The following CNTNAP2 variants were observed in gnomAD, a reference collection of about 807,000 sequenced individuals.
CNTNAP2 encodes contactin associated protein 2.
A neutral mutation model predicts 155.2 loss-of-function variants in CNTNAP2; 98 were observed. That is an observed-to-expected ratio of 0.63 (90% CI 0.54 to 0.75). The LOEUF is 0.75. CNTNAP2 is among the 30% of genes least tolerant of loss of function. CNTNAP2 has a pLI of 0.00. For missense variants in CNTNAP2, 1,727 were observed against 1,688.1 expected (o/e 1.02, Z -0.40); for synonymous variants, 651 against 631.2 (o/e 1.03, Z -0.47).
At chr7:147,526,369 G>A (rs912189741) in intron 11 of CNTNAP2, among the ~76,000 whole-genome samples, 1 of 151,994 alleles carries the variant, frequency 6.6e-6, no homozygotes, top group Non-Finnish European at 1.5e-5. Flanking sequence ...GCAGTTTCTG[G>A]GATCCCTTCT....
intron 8 of CNTNAP2, among the ~76,000 whole-genome samples, chr7:147,192,851 A>AC (rs1802709227): frequency 6.6e-6 from 1 of 152,218 alleles, no homozygotes; most frequent in African/African-American, 2.4e-5. Flanking sequence ...TACAGTTGTG[A>AC]CTAGTGGATG....
intron 19 of CNTNAP2, among the ~76,000 whole-genome samples, chr7:148,219,437 T>C (rs1429004133): frequency 6.6e-6 from 1 of 152,200 alleles, no homozygotes; most frequent in Non-Finnish European, 1.5e-5. Context: ...CTCATGCCTG[T>C]AATCCCAGCA....
intron 1 of CNTNAP2, among the ~76,000 whole-genome samples, chr7:146,377,468 A>G (rs1795319555): frequency 6.6e-6 from 1 of 152,152 alleles, no homozygotes; most frequent in African/African-American, 2.4e-5. Context: ...TTAAGAATAT[A>G]TCTCTGACCC....
At chr7:147,142,398 C>T (rs1347445940) in intron 8 of CNTNAP2, among the ~76,000 whole-genome samples, 6 of 152,166 alleles carry the variant, frequency 3.9e-5, no homozygotes, top group Non-Finnish European at 7.3e-5. Flanking sequence ...TTATATTGAA[C>T]CAGCCTTGCA....
intron 4 of CNTNAP2, among the ~76,000 whole-genome samples, chr7:147,049,138 C>T (rs1799422974): frequency 1.3e-5 from 2 of 152,308 alleles, no homozygotes; most frequent in South Asian, 2.1e-4. Flanking sequence ...GTGACCTACT[C>T]ATGTCTTAAA....
chr7:146,789,437 A>G (rs944154920), intron 2 of CNTNAP2, among the ~76,000 whole-genome samples: 15 of 152,192 alleles, frequency 9.9e-5, no homozygotes, highest in Admixed American at 8.5e-4. Context: ...ATGTTTTTTA[A>G]TCTGTTTTAA....
chr7:146,722,706 C>G (rs914352407), intron 1 of CNTNAP2, among the ~76,000 whole-genome samples: 22 of 149,950 alleles, frequency 1.5e-4, no homozygotes, highest in African/African-American at 5.6e-4. Context: ...TCCACACACA[C>G]ACAAAATATA....
At chr7:146,324,745 T>C (rs1001015556) in intron 1 of CNTNAP2, among the ~76,000 whole-genome samples, 1 of 151,872 alleles carries the variant, frequency 6.6e-6, no homozygotes, top group Non-Finnish European at 1.5e-5. Context: ...CTTATTTCAG[T>C]AGGGAAGGCT....
chr7:148,053,004 G>A (rs570850149), intron 15 of CNTNAP2, among the ~76,000 whole-genome samples: 69 of 152,218 alleles, frequency 4.5e-4, no homozygotes, highest in Non-Finnish European at 8.2e-4. Flanking sequence ...CCTAAATCAC[G>A]CCACTGCACT....
chr7:147,725,224 AAAAG>A (rs1196270317), intron 13 of CNTNAP2, among the ~76,000 whole-genome samples: 3 of 152,092 alleles, frequency 2.0e-5, no homozygotes, highest in Non-Finnish European at 2.9e-5. Flanking sequence ...GTACTTAAAA[AAAAG>A]AAATCTTTTG....
In CNTNAP2 at chr7:146,355,171, A is replaced by T. The variant is rs147317044; in HGVS notation, c.97+238198A>T. On this transcript the variant is annotated intron_variant, in intron 1 of 23. Coordinates refer to ENST00000361727, the MANE Select transcript of CNTNAP2 (RefSeq NM_014141.6). ...TTATTCTTGTGGACTGTTTTTCTTT[A>T]TATGTTCTTCTTCTGTACCCACATA... is the stretch of plus-strand genomic sequence containing the variant. 7.9e-5 allele frequency among the ~76,000 whole-genome samples: 12 copies of T among 152,282 alleles called. No homozygotes were observed. In the East Asian group the frequency reaches 2.3e-3, roughly 29 times the overall value.
chr7:146,613,137 G>A (rs1799166618), intron 1 of CNTNAP2, among the ~76,000 whole-genome samples: 1 of 152,092 alleles, frequency 6.6e-6, no homozygotes, highest in Non-Finnish European at 1.5e-5. Flanking sequence ...CATTTGCAGA[G>A]ACAAATTGTC....
At chr7:146,179,876 T>A (rs1332156346) in intron 1 of CNTNAP2, among the ~76,000 whole-genome samples, 1 of 152,220 alleles carries the variant, frequency 6.6e-6, no homozygotes, top group Non-Finnish European at 1.5e-5. Flanking sequence ...AAAATATTTT[T>A]ATGGCAACGG....
intron 18 of CNTNAP2, among the ~76,000 whole-genome samples, chr7:148,215,972 T>C (rs1795632319): frequency 6.6e-6 from 1 of 152,248 alleles, no homozygotes; most frequent in Admixed American, 6.5e-5. Flanking sequence ...TTCTGCATAG[T>C]GTTAATTTAG....
Position 146,807,333 on chromosome 7 carries a change from T to C in CNTNAP2, c.209-32378T>C, listed in dbSNP as rs141162546. Reference sequence around the variant, plus strand: ...CATAGTCTTACATATTTTAATAATATATTTTTTAACTAATTCCTTGTTGCT... The same window carrying C: ...CATAGTCTTACATATTTTAATAATACATTTTTTAACTAATTCCTTGTTGCT... On this transcript the variant is annotated intron_variant, in intron 2 of 23. Transcript: ENST00000361727. Among the ~76,000 whole-genome samples the C allele has an allele frequency of 5.3e-5, 8 of 152,312 alleles. No individual in the cohort carries two copies. In the East Asian group the frequency reaches 1.5e-3, roughly 29 times the overall value.
chr7:148,402,185 C>T (rs1457854021), intron 22 of CNTNAP2, among the ~76,000 whole-genome samples: 4 of 84,730 alleles, frequency 4.7e-5, no homozygotes, highest in Admixed American at 4.0e-4. Context: ...GGATCTTGGA[C>T]AATCATGAAA....
intron 1 of CNTNAP2, among the ~76,000 whole-genome samples, chr7:146,192,842 CT>C (rs1798726105): frequency 1.3e-5 from 2 of 152,170 alleles, no homozygotes; most frequent in Admixed American, 1.3e-4. Flanking sequence ...GGGCAAGTCC[CT>C]TCTGCCTATG....
intron 8 of CNTNAP2, among the ~76,000 whole-genome samples, chr7:147,257,985 A>C (rs1804369475): frequency 6.6e-6 from 1 of 152,206 alleles, no homozygotes; most frequent in Non-Finnish European, 1.5e-5. Context: ...GGGAGCACCA[A>C]GTTCAACATC....
intron 11 of CNTNAP2, among the ~76,000 whole-genome samples, chr7:147,501,501 A>T (rs1031534883): frequency 1.3e-5 from 2 of 152,164 alleles, no homozygotes; most frequent in Non-Finnish European, 2.9e-5. Flanking sequence ...AGGTGGTTTG[A>T]CTTACAACTT....
Sources: allele counts gnomAD v4.1 joint callset (sites outside exome capture counted in the v4.1 genomes callset), GRCh38; gene constraint gnomAD v4.1.1; transcripts MANE v1.5; gene names NCBI Gene and HGNC (gene_info 2026-07-23, HGNC 2026-07-21).